LTBP2: variants seen among roughly 807,000 people sequenced by gnomAD.
LTBP2 encodes the protein latent-transforming growth factor beta-binding protein 2.
Under a neutral mutation model 210.6 loss-of-function variants are expected in LTBP2, and 103 were observed. The observed-to-expected ratio is 0.49, with a 90% confidence interval of 0.42 to 0.58. The LOEUF is 0.58. LTBP2 is among the 20% of genes least tolerant of loss of function. The pLI, the probability that LTBP2 is intolerant of heterozygous loss-of-function variation, is 0.00. For synonymous variants in LTBP2, 1,007 were observed against 1,015.0 expected, an observed-to-expected ratio of 0.99 and a Z score of 0.15; for missense variants, 2,313 against 2,494.5, an observed-to-expected ratio of 0.93 and a Z score of 1.55.
chr14:74,518,291 A>G (rs2087159871), intron 17 of LTBP2, among the ~76,000 whole-genome samples: 1 of 152,204 alleles, frequency 6.6e-6, no homozygotes, highest in Non-Finnish European at 1.5e-5. Flanking sequence ...AATGTTAGCT[A>G]TTATTATCCT....
intron 8 of LTBP2, 80 bp downstream of exon 8, chr14:74,549,783 G>A: frequency 8.2e-7 from 1 of 1,223,990 alleles, no homozygotes; most frequent in Non-Finnish European, 1.2e-6. Context: ...CTGACATCCT[G>A]GAGGGGAAAC....
intron 7 of LTBP2, among the ~76,000 whole-genome samples, 182 bp downstream of exon 7, chr14:74,550,882 A>G (rs1011390857): frequency 6.6e-6 from 1 of 152,218 alleles, no homozygotes; most frequent in Non-Finnish European, 1.5e-5. Context: ...CCCAGGAAGG[A>G]GGCCCAGACT....
At chr14:74,508,247 AGGTGGGCACCGGGGT>A (rs1313066281) in intron 24 of LTBP2, 152 bp from the exon 25 acceptor site, 5 of 776,458 alleles carry the variant, frequency 6.4e-6, no homozygotes, top group Non-Finnish European at 1.0e-5. Context: ...AGGCTGTGGG[AGGTGGGCACCGGGGT>A]GGGGGTGAGG....
Position 74,528,947 on chromosome 14 carries a change from C to G in LTBP2, c.2152+11G>C, listed in dbSNP as rs776530182. ...TGGGCAGTGAAAGCTGGGATGGGAA[C>G]AGGAGGTTACCTGTGCCAGGCAGAG... On this transcript the variant is annotated intron_variant, in intron 11 of 35. Coordinates refer to ENST00000261978, the MANE Select transcript of LTBP2 (RefSeq NM_000428.3). 6.2e-6 allele frequency: 10 copies of G among 1,610,798 alleles called. No homozygotes were observed. Among genetic ancestry groups the G allele is most frequent in the South Asian group, 4.4e-5 (4 of 90,380 alleles).
rs1190086328 is a variant in LTBP2 at position 74,500,129 on chromosome 14, A to G, written c.*755T>C. 8.6e-6 allele frequency: 2 copies of G among 233,478 alleles called. No individual in the cohort carries two copies. Among genetic ancestry groups the G allele is most frequent in the Non-Finnish European group, 8.4e-6 (1 of 118,434 alleles). The allele number at this position is 233,478 out of a possible 1,614,324, so 14.5% of individuals were successfully genotyped here. ...CACTGGGCGGATTCAGCTACTGAAT[A>G]TTTTCTTTAGACGTATAAAGCCTTG... On this transcript the variant is annotated 3_prime_UTR_variant, in exon 36 of 36. Coordinates refer to ENST00000261978, the MANE Select transcript of LTBP2 (RefSeq NM_000428.3).
intron 2 of LTBP2, among the ~76,000 whole-genome samples, chr14:74,598,548 G>A (rs2088402678): frequency 6.6e-6 from 1 of 152,176 alleles, no homozygotes; most frequent in African/African-American, 2.4e-5. Flanking sequence ...CACAGTCCCT[G>A]CCCTCAAAAT....
chr14:74,608,741 G>GAAT (rs1218961858), intron 1 of LTBP2, among the ~76,000 whole-genome samples: 76 of 123,216 alleles, frequency 6.2e-4, no homozygotes, highest in African/African-American at 2.2e-3. Flanking sequence ...AAAAAAGAAA[G>GAAT]AAAGAATAAA....
intron 32 of LTBP2, 39 bp downstream of exon 32, chr14:74,503,430 G>C (rs779812137): frequency 1.9e-6 from 3 of 1,609,442 alleles, no homozygotes. Context: ...CCCAGCCCAG[G>C]TACCCTTCTC....
chr14:74,509,199 G>T (rs367605973), intron 22 of LTBP2, 39 bp downstream of exon 22: 1 of 1,613,062 alleles, frequency 6.2e-7, no homozygotes, highest in Non-Finnish European at 8.5e-7. Flanking sequence ...GACAGAGGGG[G>T]CATCCCATTT....
rs745626701 is a variant in LTBP2 at position 74,503,335 on chromosome 14, G to A, written c.4772C>T (p.Thr1591Ile). 1.5e-5 allele frequency: 25 copies of A among 1,613,756 alleles called. No homozygotes were observed. In the African/African-American group the frequency reaches 2.9e-4, roughly 19 times the overall value. The change falls in exon 33 of 36, where the codon ACC (threonine) becomes ATC (isoleucine). Residue 1591 changes from threonine to isoleucine, a missense_variant. Thr to Ile is a moderately conservative substitution (Grantham distance 89). Around this residue, in one of 3 missense-constraint regions of LTBP2, gnomAD observed 443 missense variants for 501.4 expected, o/e 0.88. Transcript: ENST00000261978. ...IHMDICWKKV[T>I]NDVCSEPLRG... ...CAGGGGTTCGCTGCACACATCATTG[G>A]TGACTTTTTTCCAGCAGATGTCCAT...
intron 2 of LTBP2, among the ~76,000 whole-genome samples, chr14:74,602,129 AC>A (rs1287066841): frequency 6.6e-6 from 1 of 152,160 alleles, no homozygotes; most frequent in Non-Finnish European, 1.5e-5. Context: ...TCGGGAGTGA[AC>A]GAAGCCCAGG....
chr14:74,521,823 C>T (rs552356805), intron 17 of LTBP2, 88 bp downstream of exon 17: 142 of 1,552,370 alleles, frequency 9.1e-5, no homozygotes, highest in Admixed American at 6.2e-4. Flanking sequence ...TTCTGCGGCA[C>T]GGTGTTTGGG....
At chr14:74,542,828 G>A (rs892756704) in intron 8 of LTBP2, among the ~76,000 whole-genome samples, 6 of 150,692 alleles carry the variant, frequency 4.0e-5, no homozygotes, top group African/African-American at 9.8e-5. Context: ...GTGCAGTGGC[G>A]CGATCTCAGC....
At chr14:74,569,091 G>C (rs1367691840) in intron 3 of LTBP2, among the ~76,000 whole-genome samples, 1 of 150,932 alleles carries the variant, frequency 6.6e-6, no homozygotes, top group Non-Finnish European at 1.5e-5. Context: ...CGCTGGATGT[G>C]AGCTCTTAGA....
At chr14:74,585,828 C>T (rs779255126) in intron 3 of LTBP2, 26 bp downstream of exon 3, 8 of 1,613,942 alleles carry the variant, frequency 5.0e-6, no homozygotes, top group Non-Finnish European at 5.9e-6. Flanking sequence ...CCCCAGACCC[C>T]AAGCCCCATG....
At position 74,498,315 on chromosome 14, in the gene LTBP2, C is replaced by T. The variant is rs531824728; in HGVS notation, c.*2569G>A. ...CCACCCTGTCACCCTCCCCACAAAC[C>T]ACCATTGGTTCTAAGAATTTATCCT... On this transcript the variant is annotated 3_prime_UTR_variant, in exon 36 of 36. Coordinates refer to ENST00000261978, the MANE Select transcript of LTBP2 (RefSeq NM_000428.3). 193 of 188,716 alleles carry T rather than the reference C, an allele frequency of 1.0e-3. No homozygotes were observed. Among genetic ancestry groups the T allele is most frequent in the Middle Eastern group, 1.9e-3 (1 of 536 alleles). 11.7% of individuals were successfully genotyped at this position (188,716 alleles called of 1,614,324 possible).
intron 17 of LTBP2, among the ~76,000 whole-genome samples, chr14:74,520,486 A>G (rs1351724955): frequency 6.6e-6 from 1 of 152,220 alleles, no homozygotes; most frequent in Non-Finnish European, 1.5e-5. Context: ...CATTGCCAGC[A>G]TATATTAAGT....
At chr14:74,517,279 A>T (rs1253547152) in intron 17 of LTBP2, among the ~76,000 whole-genome samples, 3 of 152,146 alleles carry the variant, frequency 2.0e-5, no homozygotes, top group African/African-American at 4.8e-5. Flanking sequence ...TGCAGAGGCC[A>T]AAAGGACTCC....
intron 3 of LTBP2, among the ~76,000 whole-genome samples, chr14:74,561,644 T>A (rs1409702360): frequency 1.3e-5 from 2 of 152,214 alleles, no homozygotes; most frequent in Non-Finnish European, 1.5e-5. Context: ...TAAATATGCA[T>A]CACATGGAAT....
Sources: gnomAD v4.1 joint callset for allele counts (sites outside exome capture counted in the v4.1 genomes callset) on GRCh38, gnomAD v4.1.1 for gene constraint, gnomAD v4.1.1 regional missense constraint, MANE v1.5 for transcripts, NCBI Gene and HGNC (gene_info 2026-07-23, HGNC 2026-07-21) for gene names.